FOXP1: variants seen among roughly 807,000 people sequenced by gnomAD.
FOXP1 encodes forkhead box P1.
Under a neutral mutation model 98.2 loss-of-function variants are expected in FOXP1, and 15 were observed. The ratio of observed to expected loss-of-function variants is 0.15; its 90% CI spans 0.10 to 0.24. The LOEUF (loss-of-function observed/expected upper bound fraction) is 0.24, where lower values mean the gene tolerates loss of function less well. Ranked by LOEUF, FOXP1 falls within the 10% of genes least tolerant of loss-of-function variation. The probability of loss-of-function intolerance (pLI) is 1.00; values close to 1 mark genes in which losing one functional copy is unlikely to be tolerated. For missense variants in FOXP1, 633 were observed against 848.5 expected (o/e 0.75, Z 3.15); for synonymous variants, 371 against 314.5 (o/e 1.18, Z -1.90).
At chr3:71,045,394 A>G (rs981241312) in intron 10 of FOXP1, among the ~76,000 whole-genome samples, 3 of 152,198 alleles carry the variant, frequency 2.0e-5, no homozygotes, top group African/African-American at 7.2e-5. Context: ...TATAACAATG[A>G]ACCTTAGTGA....
intron 4 of FOXP1, among the ~76,000 whole-genome samples, chr3:71,309,229 C>A (rs2074518147): frequency 1.3e-5 from 2 of 152,136 alleles, no homozygotes; most frequent in South Asian, 2.1e-4. Context: ...ATTGCACATT[C>A]ATAATTTTGC....
intron 3 of FOXP1, among the ~76,000 whole-genome samples, chr3:71,367,749 A>G (rs989461521): frequency 1.7e-4 from 26 of 152,242 alleles, no homozygotes; most frequent in African/African-American, 5.8e-4. Context: ...AGTGAACAGA[A>G]AATTCAAATC....
chr3:71,028,075 G>A (rs2046369831), intron 11 of FOXP1, among the ~76,000 whole-genome samples: 2 of 152,214 alleles, frequency 1.3e-5, no homozygotes, highest in South Asian at 4.1e-4. Context: ...GAGAACCGAA[G>A]CACACACACA....
chr3:71,297,490 A>C (rs1446795590), intron 5 of FOXP1, among the ~76,000 whole-genome samples: 1 of 79,550 alleles, frequency 1.3e-5, no homozygotes, highest in Non-Finnish European at 3.0e-5. Flanking sequence ...AGGTGATTAC[A>C]AAAAAAAAAA....
Position 71,041,447 on chromosome 3 carries a change from G to A in FOXP1, c.750C>T (p.Ser250=), listed in dbSNP as rs2106871805. 1 of 1,613,924 alleles carries A rather than the reference G, an allele frequency of 6.2e-7. No homozygotes were observed. Residue 250 remains serine (S), a synonymous_variant, in exon 11 of 21, where the codon AGC becomes AGT. Coordinates refer to ENST00000649528, the MANE Select transcript of FOXP1 (RefSeq NM_001349338.3). ...CACATGTCGTGGTCAGATCCAAACT[G>A]CTGTGATTGTTGCCTGTGGTTTCTT... is the stretch of plus-strand genomic sequence containing the variant. ...TAEETTGNNH[S]SLDLTTTCVS... is the part of the protein sequence containing the mutation.
At chr3:71,530,372 G>A (rs536767153) in intron 2 of FOXP1, among the ~76,000 whole-genome samples, 2 of 152,220 alleles carry the variant, frequency 1.3e-5, no homozygotes, top group African/African-American at 4.8e-5. Flanking sequence ...CTCGACAGGT[G>A]CAGCCCCTCA....
chr3:71,553,538 T>C (rs2107683074), intron 2 of FOXP1, among the ~76,000 whole-genome samples: 1 of 152,324 alleles, frequency 6.6e-6, no homozygotes, highest in South Asian at 2.1e-4. Context: ...TCACTGGTTT[T>C]TTCAGGGATA....
At chr3:71,503,601 GA>G (rs368279502) in intron 2 of FOXP1, among the ~76,000 whole-genome samples, 63 of 75,714 alleles carry the variant, frequency 8.3e-4, no homozygotes, top group East Asian at 3.6e-3. Context: ...ACTCTGTCTC[GA>G]AAAAAAAAAA....
rs530821537 is a variant in FOXP1 at position 71,077,143 on chromosome 3, C to T, written c.283-23370G>A. Among the ~76,000 whole-genome samples, 3 of 152,310 alleles carry T rather than the reference C, an allele frequency of 2.0e-5. No individual in the cohort carries two copies. The East Asian group carries it at 5.8e-4, about 29-fold the overall frequency. ...CTCACATCCAAGCAGGGGCAAACTT[C>T]TAAAACACCAAGGACTTGTATGCTA... On this transcript the variant is annotated intron_variant, in intron 7 of 20. Transcript: ENST00000649528.
chr3:71,483,014 AT>A (rs1304996413), intron 3 of FOXP1, among the ~76,000 whole-genome samples: 1 of 150,870 alleles, frequency 6.6e-6, no homozygotes, highest in Non-Finnish European at 1.5e-5. Flanking sequence ...TTTTTTTCTT[AT>A]TTTTTGTAGA....
At chr3:70,969,656 C>T (rs1017178195) in intron 19 of FOXP1, 1 of 152,192 alleles carries the variant, frequency 6.6e-6, no homozygotes, top group African/African-American at 2.4e-5. Context: ...CCTTTTTAGA[C>T]TTTTGTTTCT....
At chr3:71,241,437 C>T (rs1051229381) in intron 5 of FOXP1, among the ~76,000 whole-genome samples, 3 of 152,120 alleles carry the variant, frequency 2.0e-5, no homozygotes, top group Non-Finnish European at 4.4e-5. Context: ...GGGGCCCTGT[C>T]ATATCCCATG....
At chr3:71,169,992 C>T (rs779641717) in intron 6 of FOXP1, among the ~76,000 whole-genome samples, 12 of 152,172 alleles carry the variant, frequency 7.9e-5, no homozygotes, top group African/African-American at 1.9e-4. Context: ...AAGATAATCA[C>T]GAGATAGGCC....
chr3:71,373,361 C>T (rs1402351255), intron 3 of FOXP1, among the ~76,000 whole-genome samples: 1 of 152,052 alleles, frequency 6.6e-6, no homozygotes, highest in African/African-American at 2.4e-5. Flanking sequence ...TTTAACACAA[C>T]TTGTCATAAA....
At chr3:71,303,742 A>G (rs1474719974) in intron 4 of FOXP1, among the ~76,000 whole-genome samples, 1 of 152,158 alleles carries the variant, frequency 6.6e-6, no homozygotes, top group Middle Eastern at 3.2e-3. Context: ...AAAAAAGAAA[A>G]GAAAAAAAAG....
chr3:71,290,426 C>T (rs1253580183), intron 5 of FOXP1, among the ~76,000 whole-genome samples: 1 of 152,204 alleles, frequency 6.6e-6, no homozygotes, highest in African/African-American at 2.4e-5. Context: ...AATTCAACAA[C>T]TTCTCAGCAC....
rs1400156995 is a variant in FOXP1, at chr3:71,493,461, T to C, written c.-203A>G. The C allele has an allele frequency of 1.3e-5, 2 of 152,232 alleles. No individual in the cohort carries two copies. Among genetic ancestry groups the C allele is most frequent in the East Asian group, 3.8e-4 (2 of 5,206 alleles). The allele number at this position is 152,232 out of a possible 1,614,324, so 9.4% of individuals were successfully genotyped here. On this transcript the variant is annotated 5_prime_UTR_variant, in exon 3 of 21. The change abolishes an upstream ATG in the 5' untranslated region. Transcript: ENST00000649528. ...AGCAGGCATCACATCCATCCGTTCATGGCTGACAGCAAATCAGAGAAGGGA... is the reference window on the plus strand; with the variant it reads ...AGCAGGCATCACATCCATCCGTTCACGGCTGACAGCAAATCAGAGAAGGGA...
chr3:71,313,175 T>C lies in FOXP1; in HGVS notation c.-72-13295A>G, dbSNP rs548809077. On this transcript the variant is annotated intron_variant, in intron 4 of 20. Transcript: ENST00000649528. Reference sequence around the variant, plus strand: ...CCCGGATTCATGCCATTCTCCTGCCTCAGCCTCCCGAGTAGCTAGGAATAC... The same window carrying C: ...CCCGGATTCATGCCATTCTCCTGCCCCAGCCTCCCGAGTAGCTAGGAATAC... Among the ~76,000 whole-genome samples, 3 of 148,252 alleles carry C rather than the reference T, an allele frequency of 2.0e-5. No homozygotes were observed. In the South Asian group the frequency reaches 6.6e-4, roughly 32 times the overall value.
chr3:70,979,778 TAA>T (rs34746282), intron 14 of FOXP1, among the ~76,000 whole-genome samples: 167 of 138,096 alleles, frequency 1.2e-3, no homozygotes, highest in Non-Finnish European at 1.6e-3. Flanking sequence ...ACACTCTAGT[TAA>T]AAAAAAAAAA....
Sources: allele counts gnomAD v4.1 joint callset (sites outside exome capture counted in the v4.1 genomes callset), GRCh38; gene constraint gnomAD v4.1.1; transcripts MANE v1.5; gene names NCBI Gene and HGNC (gene_info 2026-07-23, HGNC 2026-07-21).